THSD4: variants seen among roughly 807,000 people sequenced by gnomAD.
The protein encoded by THSD4 is thrombospondin type 1 domain containing 4, also known as thrombospondin type-1 domain-containing protein 4.
A neutral mutation model predicts 119.0 loss-of-function variants in THSD4; 69 were observed. That is an observed-to-expected ratio of 0.58 (90% CI 0.48 to 0.71). THSD4 has a LOEUF of 0.71. THSD4 is among the 30% of genes least tolerant of loss of function. The pLI, the probability that THSD4 is intolerant of heterozygous loss-of-function variation, is 0.00. For missense variants in THSD4, 1,393 were observed against 1,391.1 expected (o/e 1.00, Z -0.02); for synonymous variants, 524 against 540.4 (o/e 0.97, Z 0.42).
chr15:71,335,349 C>T (rs556383104), intron 6 of THSD4, among the ~76,000 whole-genome samples: 1 of 152,204 alleles, frequency 6.6e-6, no homozygotes, highest in South Asian at 2.1e-4. Flanking sequence ...CTGTTTAGGA[C>T]TTGAACCAAG....
intron 10 of THSD4, among the ~76,000 whole-genome samples, chr15:71,735,095 C>T (rs918272658): frequency 3.3e-5 from 5 of 152,020 alleles, no homozygotes; most frequent in African/African-American, 7.3e-5. Flanking sequence ...CACACACACA[C>T]AGACACACAC....
chr15:71,156,627 A>G (rs1208784833), intron 3 of THSD4, among the ~76,000 whole-genome samples: 1 of 152,128 alleles, frequency 6.6e-6, no homozygotes, highest in Admixed American at 6.5e-5. Flanking sequence ...GAGTATGTGC[A>G]CATATTTGGC....
In THSD4 at chr15:71,439,978, A is replaced by G. The variant is rs572377234; in HGVS notation, c.1152+28155A>G. ...GTGTATACCTATGTAACAAAACTGC[A>G]TGTTCTGCACATGTACCCCAGAACT... On this transcript the variant is annotated intron_variant, in intron 7 of 17. Transcript: ENST00000261862. 4.6e-4 allele frequency among the ~76,000 whole-genome samples: 70 copies of G among 152,318 alleles called. 1 individual carries two copies. In the South Asian group the frequency reaches 0.014, roughly 30 times the overall value.
At chr15:71,432,964 G>T (rs898321513) in intron 7 of THSD4, among the ~76,000 whole-genome samples, 2 of 151,670 alleles carry the variant, frequency 1.3e-5, no homozygotes, top group Admixed American at 6.6e-5. Context: ...CTTTATTTCT[G>T]GTAGTTTTGA....
chr15:71,313,748 A>G (rs1449003844), intron 6 of THSD4, among the ~76,000 whole-genome samples: 1 of 152,188 alleles, frequency 6.6e-6, no homozygotes, highest in African/African-American at 2.4e-5. Flanking sequence ...CCCCAGAAGC[A>G]GCGGACCTCC....
intron 6 of THSD4, among the ~76,000 whole-genome samples, chr15:71,370,850 C>G (rs191107031): frequency 1.3e-5 from 2 of 152,158 alleles, no homozygotes; most frequent in African/African-American, 2.4e-5. Flanking sequence ...AACTTTGTCT[C>G]GTCGATCTGT....
At chr15:71,470,882 G>A (rs1397979107) in intron 7 of THSD4, among the ~76,000 whole-genome samples, 2 of 152,096 alleles carry the variant, frequency 1.3e-5, no homozygotes, top group Non-Finnish European at 1.5e-5. Flanking sequence ...TGATCCACCC[G>A]CCTCGGCCTC....
intron 6 of THSD4, among the ~76,000 whole-genome samples, chr15:71,257,710 A>C (rs60714582): frequency 4.6e-5 from 7 of 152,266 alleles, no homozygotes; most frequent in African/African-American, 1.7e-4. Context: ...AGGGAAGTGG[A>C]TTAGTATCTG....
chr15:71,371,367 C>A (rs2046044825), intron 6 of THSD4, among the ~76,000 whole-genome samples: 1 of 152,156 alleles, frequency 6.6e-6, no homozygotes, highest in Non-Finnish European at 1.5e-5. Context: ...CAGTTTCTTC[C>A]TAGCATCGAT....
At chr15:71,621,734 C>T (rs1042791008) in intron 7 of THSD4, among the ~76,000 whole-genome samples, 2 of 152,156 alleles carry the variant, frequency 1.3e-5, no homozygotes, top group Admixed American at 6.6e-5. Context: ...AAGTTCAAGT[C>T]ATTTGCTATG....
At chr15:71,296,730 C>T (rs1034970230) in intron 6 of THSD4, among the ~76,000 whole-genome samples, 3 of 152,198 alleles carry the variant, frequency 2.0e-5, no homozygotes, top group African/African-American at 7.2e-5. Flanking sequence ...ATCAAGGGTC[C>T]AGTTTTCAGT....
At position 71,241,892 on chromosome 15, in the gene THSD4, A is replaced by G. The variant is rs528959088; in HGVS notation, c.465-757A>G. Among the ~76,000 whole-genome samples the G allele has an allele frequency of 2.6e-5, 4 of 152,214 alleles. No homozygotes were observed. The East Asian group carries it at 7.7e-4, about 29-fold the overall frequency. On this transcript the variant is annotated intron_variant, in intron 4 of 17. Transcript: ENST00000261862. ...TCGTAAACTTTCTTAAAACATTATG[A>G]GATTTTTTTTTGCAATATATTTTTT...
chr15:71,537,457 C>A (rs1254880007), intron 7 of THSD4, among the ~76,000 whole-genome samples: 1 of 152,192 alleles, frequency 6.6e-6, no homozygotes, highest in African/African-American at 2.4e-5. Context: ...GCCATACCCC[C>A]TTCCTCTCAA....
At chr15:71,201,270 G>A (rs1354098926) in intron 3 of THSD4, among the ~76,000 whole-genome samples, 1 of 152,114 alleles carries the variant, frequency 6.6e-6, no homozygotes, top group Non-Finnish European at 1.5e-5. Context: ...CAATAAACAT[G>A]GTCTATTTGG....
intron 6 of THSD4, among the ~76,000 whole-genome samples, chr15:71,389,810 G>GGTTTTTTTTTT (rs1555408976): frequency 1.2e-4 from 11 of 88,024 alleles, no homozygotes; most frequent in African/African-American, 4.8e-4. Flanking sequence ...TTTCTGGGTT[G>GGTTTTTTTTTT]TTTTTTTTTT....
intron 7 of THSD4, among the ~76,000 whole-genome samples, chr15:71,473,167 C>T (rs1203515827): frequency 6.6e-6 from 1 of 151,528 alleles, no homozygotes; most frequent in African/African-American, 2.4e-5. Flanking sequence ...AGCAAATCCT[C>T]CTGCCTCAGC....
intron 7 of THSD4, among the ~76,000 whole-genome samples, chr15:71,516,401 C>T (rs770739560): frequency 5.9e-5 from 9 of 152,088 alleles, no homozygotes; most frequent in East Asian, 1.9e-4. Flanking sequence ...CTTAAAATAC[C>T]GTAAATCCCT....
At position 71,254,446 on chromosome 15, in the gene THSD4, C is replaced by G. The variant is rs370271982; in HGVS notation, c.913-2167C>G. ...ATGGGGCTTGGGCGTGGCCCTTCAT[C>G]GCTGCTGCACAGGTTAGGATGCACA... On this transcript the variant is annotated intron_variant, in intron 5 of 17. Coordinates refer to ENST00000261862, the MANE Select transcript of THSD4 (RefSeq NM_024817.3). Among the ~76,000 whole-genome samples, 5 of 152,184 alleles carry G rather than the reference C, an allele frequency of 3.3e-5. 1 individual carries two copies. The East Asian group carries it at 5.8e-4, about 18-fold the overall frequency.
In THSD4 at chr15:71,641,899, G is replaced by T. The variant is rs180810019; in HGVS notation, c.1153-18631G>T. Reference sequence around the variant, plus strand: ...TTTAACTTTTGAGCTAGAAACCGAGGGTTCTCCTTGCATCAGGGTGCTCTC... The same window carrying T: ...TTTAACTTTTGAGCTAGAAACCGAGTGTTCTCCTTGCATCAGGGTGCTCTC... On this transcript the variant is annotated intron_variant, in intron 7 of 17. Transcript: ENST00000261862. Among the ~76,000 whole-genome samples the T allele has an allele frequency of 5.3e-5, 8 of 152,240 alleles. No homozygotes were observed. The East Asian group carries it at 9.7e-4, about 18-fold the overall frequency.
Sources: allele counts gnomAD v4.1 joint callset (sites outside exome capture counted in the v4.1 genomes callset), GRCh38; gene constraint gnomAD v4.1.1; transcripts MANE v1.5; gene names NCBI Gene and HGNC (gene_info 2026-07-23, HGNC 2026-07-21).